The following STK32B variants were observed in gnomAD, a reference collection of about 807,000 sequenced individuals.
STK32B encodes the protein serine/threonine kinase 32B.
A neutral mutation model predicts 52.6 loss-of-function variants in STK32B; 43 were observed. That is an observed-to-expected ratio of 0.82 (90% CI 0.64 to 1.05). The LOEUF (loss-of-function observed/expected upper bound fraction) is 1.05. Ranked by LOEUF, STK32B falls within the 50% of genes least tolerant of loss-of-function variation. The pLI is 0.00. For missense variants in STK32B, 621 were observed against 534.6 expected (o/e 1.16, Z -1.59); for synonymous variants, 238 against 204.3 (o/e 1.17, Z -1.41).
Position 5,500,675 on chromosome 4 carries a change from AAATAGTCAGTG to A in STK32B, c.*1593_*1603del, listed in dbSNP as rs1720657493. 3 of 152,132 alleles carry A rather than the reference AAATAGTCAGTG, an allele frequency of 2.0e-5. No homozygotes were observed. 9.4% of individuals were successfully genotyped at this position (152,132 alleles called of 1,614,324 possible). On this transcript the variant is annotated 3_prime_UTR_variant, in exon 12 of 12. Coordinates refer to ENST00000282908, the MANE Select transcript of STK32B (RefSeq NM_018401.3). The stretch of plus-strand genomic sequence containing the variant: ...TTTATATTTTTATTTTTTAAAAAAG[AAATAGTCAGTG>A]TTTTCCTCCTTTCAACCGAGACTAT...
intron 1 of STK32B, among the ~76,000 whole-genome samples, chr4:5,131,706 C>T (rs1715786562): frequency 6.6e-6 from 1 of 152,198 alleles, no homozygotes; most frequent in Non-Finnish European, 1.5e-5. Context: ...TAACCATCCT[C>T]CTCATATCAG....
chr4:5,320,617 T>G (rs983502577), intron 3 of STK32B, among the ~76,000 whole-genome samples: 1 of 152,180 alleles, frequency 6.6e-6, no homozygotes, highest in Admixed American at 6.5e-5. Flanking sequence ...GTGTAGTCAG[T>G]TTGAAAAATC....
chr4:5,361,213 C>T (rs1335684760), intron 4 of STK32B, among the ~76,000 whole-genome samples: 1 of 152,122 alleles, frequency 6.6e-6, no homozygotes, highest in African/African-American at 2.4e-5. Context: ...TTTATCCATT[C>T]GTTGGTCAAT....
intron 11 of STK32B, among the ~76,000 whole-genome samples, chr4:5,474,726 A>C (rs551417288): frequency 6.6e-6 from 1 of 152,174 alleles, no homozygotes; most frequent in Non-Finnish European, 1.5e-5. Context: ...TGTGCTGGCC[A>C]TGGGGGAGCT....
chr4:5,171,807 A>G (rs1387259343), intron 3 of STK32B, among the ~76,000 whole-genome samples: 3 of 149,888 alleles, frequency 2.0e-5, no homozygotes, highest in Admixed American at 2.0e-4. Context: ...TTTTGGTTCC[A>G]TATGAACTTT....
chr4:5,237,302 T>C (rs2108812990), intron 3 of STK32B, among the ~76,000 whole-genome samples: 1 of 152,278 alleles, frequency 6.6e-6, no homozygotes, highest in Middle Eastern at 3.4e-3. Flanking sequence ...GACATTGTGA[T>C]TGACAGCTGC....
the STK32B span, among the ~76,000 whole-genome samples, chr4:5,037,706 C>T: frequency 1.3e-5 from 2 of 152,190 alleles, no homozygotes; most frequent in African/African-American, 4.8e-5. Context: ...AGATGGTTTT[C>T]TAGATAGTGG....
intron 6 of STK32B, among the ~76,000 whole-genome samples, chr4:5,417,782 C>A (rs1712284355): frequency 6.6e-6 from 1 of 152,168 alleles, no homozygotes; most frequent in Admixed American, 6.5e-5. Flanking sequence ...AAGACAATCA[C>A]AACGTTATTT....
chr4:5,201,308 C>A (rs1195386020), intron 3 of STK32B, among the ~76,000 whole-genome samples: 2 of 152,184 alleles, frequency 1.3e-5, no homozygotes, highest in Non-Finnish European at 2.9e-5. Flanking sequence ...TAGTGAGCAT[C>A]CTGCAGCCCC....
At chr4:5,336,153 A>G (rs965177956) in intron 4 of STK32B, among the ~76,000 whole-genome samples, 4 of 147,788 alleles carry the variant, frequency 2.7e-5, no homozygotes, top group Non-Finnish European at 3.0e-5. Context: ...AGATGCTGAA[A>G]TGACACCCAC....
chr4:5,263,180 T>C (rs536729964), intron 3 of STK32B, among the ~76,000 whole-genome samples: 4 of 145,622 alleles, frequency 2.7e-5, no homozygotes, highest in African/African-American at 7.8e-5. Context: ...TCTAAGGCAG[T>C]GAAAAAAGAG....
intron 6 of STK32B, among the ~76,000 whole-genome samples, chr4:5,421,782 C>T (rs751328435): frequency 6.6e-6 from 1 of 152,230 alleles, no homozygotes; most frequent in Non-Finnish European, 1.5e-5. Context: ...ACCTCGCTAC[C>T]TGCCTGTCTT....
intron 3 of STK32B, among the ~76,000 whole-genome samples, chr4:5,187,975 G>A (rs1271792529): frequency 1.3e-5 from 2 of 152,106 alleles, no homozygotes; most frequent in African/African-American, 4.8e-5. Flanking sequence ...CTCTTCCTAG[G>A]TGTGTACCCC....
At chr4:5,222,957 C>T (rs969509152) in intron 3 of STK32B, among the ~76,000 whole-genome samples, 1 of 152,162 alleles carries the variant, frequency 6.6e-6, no homozygotes, top group Non-Finnish European at 1.5e-5. Flanking sequence ...TAGCCGTACC[C>T]ATCACAGGCC....
chr4:5,277,350 A>G (rs192097796), intron 3 of STK32B, among the ~76,000 whole-genome samples: 4 of 151,626 alleles, frequency 2.6e-5, no homozygotes, highest in Non-Finnish European at 4.4e-5. Flanking sequence ...CATTTCCAGA[A>G]CAAGAAAGCT....
rs1363802958 is a variant in STK32B, at chr4:5,317,148, A to T, written c.261-14072A>T. ...ATTATAATATATAATATATATGTAT[A>T]ATATACATATTACATATATATAACA... On this transcript the variant is annotated intron_variant, in intron 3 of 11. Transcript: ENST00000282908. 4.6e-5 allele frequency among the ~76,000 whole-genome samples: 3 copies of T among 64,972 alleles called. 1 individual carries two copies. Among genetic ancestry groups the T allele is most frequent in the African/African-American group, 3.0e-4 (3 of 10,070 alleles). The allele number at this position is 64,972 out of a possible 152,430, so 42.6% of individuals were successfully genotyped here.
chr4:5,347,751 G>T (rs1214027314), intron 4 of STK32B, among the ~76,000 whole-genome samples: 4 of 152,114 alleles, frequency 2.6e-5, no homozygotes, highest in African/African-American at 9.7e-5. Flanking sequence ...GTTCTCACAA[G>T]ATCTGATAGT....
chr4:5,429,621 TAAAA>T (rs901341118), intron 6 of STK32B, among the ~76,000 whole-genome samples: 1 of 151,580 alleles, frequency 6.6e-6, no homozygotes, highest in Admixed American at 6.6e-5. Flanking sequence ...TGGTTAAAAA[TAAAA>T]AAAAACTTTG....
At chr4:5,359,049 G>A (rs912464814) in intron 4 of STK32B, among the ~76,000 whole-genome samples, 12 of 152,128 alleles carry the variant, frequency 7.9e-5, no homozygotes, top group Non-Finnish European at 1.5e-4. Flanking sequence ...TGTTCTACGT[G>A]GGCTCACTTC....
Sources: allele counts gnomAD v4.1 joint callset (sites outside exome capture counted in the v4.1 genomes callset), GRCh38; gene constraint gnomAD v4.1.1; transcripts MANE v1.5; gene names NCBI Gene and HGNC (gene_info 2026-07-23, HGNC 2026-07-21).